The following POGZ variants were observed in gnomAD, a reference collection of about 807,000 sequenced individuals.
The protein encoded by POGZ is pogo transposable element derived with ZNF domain.
A neutral mutation model predicts 134.6 loss-of-function variants in POGZ; 17 were observed. That is an observed-to-expected ratio of 0.13 (90% CI 0.09 to 0.19). POGZ has a LOEUF of 0.19. Among genes scored for constraint, POGZ ranks in the 10% least tolerant of loss-of-function variants. POGZ has a pLI of 1.00. For missense variants in POGZ, 1,306 were observed against 1,769.7 expected, an observed-to-expected ratio of 0.74 and a Z score of 4.70; for synonymous variants, 693 against 657.1, an observed-to-expected ratio of 1.05 and a Z score of -0.84.
In POGZ at chr1:151,425,011, A is replaced by G; in HGVS notation, c.1129T>C (p.Cys377Arg). ...FDLQDGGRKI[C>R]PRCNAQFRVT... ...CGAAATTGAGCATTACATCGTGGAC[A>G]TATTTTCCGTCCACCATCCTGGAGG... Residue 377 changes from cysteine to arginine, a missense_variant, in exon 8 of 19, where the codon TGT becomes CGT. By Grantham distance (180) the Cys-to-Arg change is radical. Coordinates refer to ENST00000271715, the MANE Select transcript of POGZ (RefSeq NM_015100.4). The G allele has an allele frequency of 1.3e-6, 2 of 1,599,150 alleles. No individual in the cohort carries two copies. The highest frequency in any genetic ancestry group is 1.7e-6 in the Non-Finnish European group (2 of 1,169,928).
chr1:151,458,922 C>G (rs887358526), intron 1 of POGZ, among the ~76,000 whole-genome samples: 30 of 145,010 alleles, frequency 2.1e-4, no homozygotes, highest in Non-Finnish European at 4.1e-4. Context: ...GGGGCGCACG[C>G]ACACACACTC....
At chr1:151,445,677 T>A (rs1476148827) in intron 1 of POGZ, among the ~76,000 whole-genome samples, 2 of 152,174 alleles carry the variant, frequency 1.3e-5, no homozygotes, top group Non-Finnish European at 2.9e-5. Context: ...TTAGGTCTGC[T>A]GACTGAACAT....
chr1:151,414,562 C>T (rs1655287156), intron 10 of POGZ, among the ~76,000 whole-genome samples: 1 of 152,242 alleles, frequency 6.6e-6, no homozygotes, highest in Non-Finnish European at 1.5e-5. Context: ...GCAGGCGGAT[C>T]ACCTGAGGTT....
chr1:151,453,558 C>T (rs1424829692), intron 1 of POGZ, among the ~76,000 whole-genome samples: 1 of 152,184 alleles, frequency 6.6e-6, no homozygotes, highest in African/African-American at 2.4e-5. Flanking sequence ...AGGTACATTA[C>T]TTTCTTCCAT....
Position 151,445,828 on chromosome 1 carries a change from T to C in POGZ, c.-1-3623A>G, listed in dbSNP as rs1661182756. ...CTTTCAGCATCTATAACTCAGGGTCTAAAAGATACAACAGAGATATATCAA... is the reference window on the plus strand; with the variant it reads ...CTTTCAGCATCTATAACTCAGGGTCCAAAAGATACAACAGAGATATATCAA... On this transcript the variant is annotated intron_variant, in intron 1 of 18. Coordinates refer to ENST00000271715, the MANE Select transcript of POGZ (RefSeq NM_015100.4). 3.9e-5 allele frequency among the ~76,000 whole-genome samples: 6 copies of C among 152,044 alleles called. No homozygotes were observed. The South Asian group carries it at 1.2e-3, about 32-fold the overall frequency.
chr1:151,403,684 CTAAG>C lies in POGZ; in HGVS notation c.*1114_*1117del, dbSNP rs1653091588. The C allele has an allele frequency of 4.1e-6, 4 of 985,826 alleles. No individual in the cohort carries two copies. The highest frequency in any genetic ancestry group is 1.2e-4 in the Admixed American group (2 of 16,284). 61.1% of individuals were successfully genotyped at this position (985,826 alleles called of 1,614,324 possible). On this transcript the variant is annotated 3_prime_UTR_variant, in exon 19 of 19. Coordinates refer to ENST00000271715, the MANE Select transcript of POGZ (RefSeq NM_015100.4). ...GCGCTTCTTCCTGTCAGATTCTTCC[CTAAG>C]TATTAAGAGAAATAGGGGAAAGCCA...
At chr1:151,415,936 G>A (rs1450720549) in intron 10 of POGZ, among the ~76,000 whole-genome samples, 1 of 151,936 alleles carries the variant, frequency 6.6e-6, no homozygotes, top group African/African-American at 2.4e-5. Flanking sequence ...AATCAGGGCC[G>A]GGTGCACTGG....
chr1:151,421,054 TA>T (rs1656819249), intron 10 of POGZ, among the ~76,000 whole-genome samples: 2 of 149,858 alleles, frequency 1.3e-5, no homozygotes, highest in African/African-American at 2.4e-5. Context: ...GATTAACAAT[TA>T]AAAATATATA....
intron 1 of POGZ, among the ~76,000 whole-genome samples, chr1:151,449,545 T>TAAAA (rs1291237044): frequency 6.6e-6 from 1 of 151,454 alleles, no homozygotes; most frequent in African/African-American, 2.4e-5. Flanking sequence ...CGAGGGCAAT[T>TAAAA]AAAAAAAAAT....
chr1:151,447,436 T>C (rs1411247736), intron 1 of POGZ, among the ~76,000 whole-genome samples: 5 of 151,884 alleles, frequency 3.3e-5, no homozygotes, highest in Admixed American at 6.6e-5. Flanking sequence ...ATATCAAATA[T>C]CTAGTCATTA....
At chr1:151,431,132 A>T (rs1186131380) in intron 3 of POGZ, among the ~76,000 whole-genome samples, 1 of 152,028 alleles carries the variant, frequency 6.6e-6, no homozygotes, top group Non-Finnish European at 1.5e-5. Context: ...ACTGCCACTC[A>T]TCTCAGGTTT....
intron 1 of POGZ, among the ~76,000 whole-genome samples, chr1:151,451,864 A>G (rs1662131010): frequency 6.6e-6 from 1 of 151,512 alleles, no homozygotes; most frequent in South Asian, 2.1e-4. Flanking sequence ...TGGGAGGCCA[A>G]GGCAGGTGGA....
chr1:151,456,862 G>A (rs930159409), intron 1 of POGZ, among the ~76,000 whole-genome samples: 15 of 152,134 alleles, frequency 9.9e-5, no homozygotes, highest in South Asian at 6.2e-4. Flanking sequence ...CTGGGCGACA[G>A]AGCAAAACTC....
intron 10 of POGZ, among the ~76,000 whole-genome samples, chr1:151,420,185 T>TG (rs1437903024): frequency 1.3e-5 from 2 of 152,190 alleles, no homozygotes; most frequent in Admixed American, 1.3e-4. Context: ...AAGACCCTGT[T>TG]GTCTCAAAAA....
chr1:151,443,902 A>C (rs1353293881), intron 1 of POGZ, among the ~76,000 whole-genome samples: 1 of 152,184 alleles, frequency 6.6e-6, no homozygotes, highest in African/African-American at 2.4e-5. Context: ...AAGTGTCCTT[A>C]GTGTCTTAGT....
At chr1:151,457,207 G>C (rs1377611880) in intron 1 of POGZ, among the ~76,000 whole-genome samples, 1 of 152,142 alleles carries the variant, frequency 6.6e-6, no homozygotes, top group Non-Finnish European at 1.5e-5. Flanking sequence ...AGTCCATTCT[G>C]TTACCTCCTT....
At position 151,428,018 on chromosome 1, in the gene POGZ, C is replaced by G; in HGVS notation, c.883G>C (p.Ala295Pro). The G allele has an allele frequency of 6.2e-7, 1 of 1,614,218 alleles. No homozygotes were observed. The highest frequency in any genetic ancestry group is 8.5e-7 in the Non-Finnish European group (1 of 1,180,034). Residue 295 changes from alanine to proline, a missense_variant, in exon 7 of 19, where the codon GCA becomes CCA. Coordinates refer to ENST00000271715, the MANE Select transcript of POGZ (RefSeq NM_015100.4). ...KLAPSFPSPP[A>P]VSIASFVTVK... is the part of the protein sequence containing the mutation. ...GTGACAAAGCTGGCAATGCTCACTG[C>G]AGGTGGAGAGGGGAAGGAGGGAGCT... is the stretch of plus-strand genomic sequence containing the variant.
At chr1:151,457,954 A>C (rs964702114) in intron 1 of POGZ, among the ~76,000 whole-genome samples, 1 of 149,516 alleles carries the variant, frequency 6.7e-6, no homozygotes, top group Non-Finnish European at 1.5e-5. Context: ...GTAAAACCCC[A>C]TTTCTGTGGA....
chr1:151,421,799 C>A (rs879558183), intron 10 of POGZ, among the ~76,000 whole-genome samples: 1 of 152,184 alleles, frequency 6.6e-6, no homozygotes, highest in Non-Finnish European at 1.5e-5. Context: ...GTCATCCAGG[C>A]TGGAGTGCAG....
Sources: gnomAD v4.1 joint callset for allele counts (sites outside exome capture counted in the v4.1 genomes callset) on GRCh38, gnomAD v4.1.1 for gene constraint, MANE v1.5 for transcripts, NCBI Gene and HGNC (gene_info 2026-07-23, HGNC 2026-07-21) for gene names.